The following TMEFF2 variants were observed in gnomAD, a reference collection of about 807,000 sequenced individuals.
The protein encoded by TMEFF2 is transmembrane protein with EGF like and two follistatin like domains 2, also known as tomoregulin-2.
A neutral mutation model predicts 53.8 loss-of-function variants in TMEFF2; 28 were observed. The observed-to-expected ratio is 0.52, with a 90% CI of 0.39 to 0.71. The LOEUF (loss-of-function observed/expected upper bound fraction) is 0.71. TMEFF2 is among the 30% of genes least tolerant of loss of function. The pLI, the probability that TMEFF2 is intolerant of heterozygous loss-of-function variation, is 0.00. For missense variants in TMEFF2, 353 were observed against 455.2 expected, an observed-to-expected ratio of 0.78 and a Z score of 2.04; for synonymous variants, 162 against 166.3, an observed-to-expected ratio of 0.97 and a Z score of 0.20.
At chr2:192,094,873 A>G (rs1688867927) in intron 4 of TMEFF2, among the ~76,000 whole-genome samples, 1 of 152,232 alleles carries the variant, frequency 6.6e-6, no homozygotes, top group Non-Finnish European at 1.5e-5. Context: ...ACTGTAAAAT[A>G]ATATAGAACA....
intron 4 of TMEFF2, among the ~76,000 whole-genome samples, chr2:192,127,957 A>G (rs1272744499): frequency 2.0e-5 from 3 of 152,188 alleles, no homozygotes; most frequent in African/African-American, 7.2e-5. Flanking sequence ...TGAGATATGT[A>G]GTTCTGGGCT....
rs186237954 is a variant in TMEFF2 at position 192,146,995 on chromosome 2, T to C, written c.439+32673A>G. On this transcript the variant is annotated intron_variant, in intron 4 of 9. Coordinates refer to ENST00000272771, the MANE Select transcript of TMEFF2 (RefSeq NM_016192.4). ...CATACACAGCTTTTATTTTTAACCATAGTAATACATTAAAAGGCATAATTA... is the reference window on the plus strand; with the variant it reads ...CATACACAGCTTTTATTTTTAACCACAGTAATACATTAAAAGGCATAATTA... Among the ~76,000 whole-genome samples, 436 of 152,230 alleles carry C rather than the reference T, an allele frequency of 2.9e-3. 4 individuals carry two copies. Among genetic ancestry groups the C allele is most frequent in the African/African-American group, 9.0e-3 (374 of 41,562 alleles).
At position 191,956,349 on chromosome 2, in the gene TMEFF2, T is replaced by A; in HGVS notation, c.775A>T (p.Arg259Ter). The stretch of plus-strand genomic sequence containing the variant: ...TCCGGACAAGGTATGTGGTGTTCTC[T>A]GGCACTTTCTTCTAATTTGTTAGCA... ...ENANKLEESA[R>*]EHHIPCPEHY... is the part of the protein sequence containing the mutation. Residue 259 changes from arginine to a stop codon, truncating the protein, a stop_gained, in exon 8 of 10, where the codon AGA becomes TGA. Coordinates refer to ENST00000272771, the MANE Select transcript of TMEFF2 (RefSeq NM_016192.4). LOFTEE classifies it high-confidence loss of function. 2 of 1,613,884 alleles carry A rather than the reference T, an allele frequency of 1.2e-6. No individual in the cohort carries two copies. Among genetic ancestry groups the A allele is most frequent in the Admixed American group, 3.3e-5 (2 of 59,952 alleles).
At chr2:191,999,838 C>G (rs1411391961) in intron 5 of TMEFF2, among the ~76,000 whole-genome samples, 1 of 151,602 alleles carries the variant, frequency 6.6e-6, no homozygotes, top group African/African-American at 2.4e-5. Context: ...TATAAACAAC[C>G]CTTCTGTATA....
chr2:192,130,448 G>C (rs1287107682), intron 4 of TMEFF2, among the ~76,000 whole-genome samples: 1 of 152,126 alleles, frequency 6.6e-6, no homozygotes, highest in Non-Finnish European at 1.5e-5. Flanking sequence ...TATACACCCA[G>C]ATGGCCTGAA....
At chr2:192,111,793 G>T (rs1163036648) in intron 4 of TMEFF2, among the ~76,000 whole-genome samples, 1 of 152,190 alleles carries the variant, frequency 6.6e-6, no homozygotes, top group African/African-American at 2.4e-5. Context: ...CCTGCTATGT[G>T]CAGGCTAGGG....
chr2:192,148,061 A>G (rs1376888872), intron 4 of TMEFF2, among the ~76,000 whole-genome samples: 5 of 152,034 alleles, frequency 3.3e-5, no homozygotes, highest in Non-Finnish European at 5.9e-5. Flanking sequence ...GGAAAGCTCA[A>G]TCATGTGTCC....
chr2:192,120,574 G>A (rs916576780), intron 4 of TMEFF2, among the ~76,000 whole-genome samples: 2 of 152,158 alleles, frequency 1.3e-5, no homozygotes, highest in Non-Finnish European at 2.9e-5. Flanking sequence ...GCCTTGTGGA[G>A]ACTTTCTCTT....
intron 4 of TMEFF2, among the ~76,000 whole-genome samples, chr2:192,168,513 T>C (rs916700205): frequency 6.6e-6 from 1 of 152,118 alleles, no homozygotes; most frequent in Non-Finnish European, 1.5e-5. Context: ...TCCTAAAATA[T>C]CTTCAATTCT....
intron 7 of TMEFF2, among the ~76,000 whole-genome samples, chr2:191,981,412 C>CAGTT (rs1304721727): frequency 6.6e-6 from 1 of 152,156 alleles, no homozygotes; most frequent in Non-Finnish European, 1.5e-5. Context: ...CCCTTGTTGC[C>CAGTT]AGTTATAGTT....
intron 4 of TMEFF2, among the ~76,000 whole-genome samples, chr2:192,059,621 C>T (rs990117033): frequency 6.6e-5 from 10 of 152,122 alleles, no homozygotes; most frequent in African/African-American, 2.4e-4. Flanking sequence ...TAGAGACAGC[C>T]CCATTTTCTT....
intron 4 of TMEFF2, among the ~76,000 whole-genome samples, chr2:192,077,543 G>A (rs181987569): frequency 3.5e-4 from 53 of 151,952 alleles, no homozygotes; most frequent in African/African-American, 1.3e-3. Context: ...TAATCATTAA[G>A]GTTTGATCAT....
chr2:191,980,864 G>A (rs965497594), intron 7 of TMEFF2, among the ~76,000 whole-genome samples: 6 of 152,030 alleles, frequency 3.9e-5, no homozygotes, highest in Admixed American at 2.0e-4. Context: ...AGGAACCTTC[G>A]TATTTTTCCT....
intron 4 of TMEFF2, among the ~76,000 whole-genome samples, chr2:192,173,438 T>C (rs1690963796): frequency 6.6e-6 from 1 of 151,780 alleles, no homozygotes; most frequent in Non-Finnish European, 1.5e-5. Context: ...CCCATCAATT[T>C]TGAAAGAATC....
chr2:192,183,520 C>T (rs1691238725), intron 3 of TMEFF2, among the ~76,000 whole-genome samples: 1 of 151,942 alleles, frequency 6.6e-6, no homozygotes, highest in Admixed American at 6.6e-5. Flanking sequence ...TTATATCATC[C>T]AAATTCTCAG....
intron 4 of TMEFF2, among the ~76,000 whole-genome samples, chr2:192,115,787 G>A (rs954704775): frequency 1.3e-5 from 2 of 151,954 alleles, no homozygotes; most frequent in Non-Finnish European, 2.9e-5. Flanking sequence ...AACACAATGA[G>A]TATCACCTCA....
intron 4 of TMEFF2, among the ~76,000 whole-genome samples, chr2:192,161,444 C>T (rs1316319578): frequency 1.3e-5 from 2 of 152,160 alleles, no homozygotes; most frequent in Admixed American, 1.3e-4. Flanking sequence ...TGAGCCACCT[C>T]ACCGGCCTGA....
At chr2:192,017,894 T>C (rs755043892) in intron 5 of TMEFF2, among the ~76,000 whole-genome samples, 7 of 152,206 alleles carry the variant, frequency 4.6e-5, no homozygotes, top group Non-Finnish European at 8.8e-5. Flanking sequence ...GAGTTGACCC[T>C]CCTCAGTAAT....
intron 7 of TMEFF2, among the ~76,000 whole-genome samples, chr2:191,968,779 C>A (rs1237232892): frequency 1.3e-5 from 2 of 152,092 alleles, no homozygotes; most frequent in Non-Finnish European, 2.9e-5. Context: ...ATGGAACCTC[C>A]CTGCTCTTTG....
Sources: gnomAD v4.1 joint callset for allele counts (sites outside exome capture counted in the v4.1 genomes callset) on GRCh38, gnomAD v4.1.1 for gene constraint, MANE v1.5 for transcripts, NCBI Gene and HGNC (gene_info 2026-07-23, HGNC 2026-07-21) for gene names.